CNTNAP2: variants seen among roughly 807,000 people sequenced by gnomAD.
CNTNAP2 encodes contactin associated protein 2.
In CNTNAP2, 98 loss-of-function variants were observed where a neutral mutation model predicts 155.2. That is an observed-to-expected ratio of 0.63 (90% CI 0.54 to 0.75). The LOEUF is 0.75. Among genes scored for constraint, CNTNAP2 ranks in the 30% least tolerant of loss-of-function variants. CNTNAP2 has a pLI of 0.00. For missense variants in CNTNAP2, 1,727 were observed against 1,688.1 expected, an observed-to-expected ratio of 1.02 and a Z score of -0.40; for synonymous variants, 651 against 631.2, an observed-to-expected ratio of 1.03 and a Z score of -0.47.
intron 4 of CNTNAP2, among the ~76,000 whole-genome samples, chr7:147,050,174 C>T (rs543020432): frequency 1.3e-5 from 2 of 152,270 alleles, no homozygotes; most frequent in South Asian, 4.1e-4. Context: ...TGAGCTTTCT[C>T]CCACAGCGCA....
intron 14 of CNTNAP2, among the ~76,000 whole-genome samples, chr7:147,920,144 G>A (rs1800246073): frequency 6.6e-6 from 1 of 151,434 alleles, no homozygotes; most frequent in African/African-American, 2.4e-5. Flanking sequence ...AGATCACCAG[G>A]TCAGGGGTTA....
At chr7:147,633,561 G>C (rs1795125799) in intron 12 of CNTNAP2, among the ~76,000 whole-genome samples, 1 of 152,154 alleles carries the variant, frequency 6.6e-6, no homozygotes, top group Non-Finnish European at 1.5e-5. Flanking sequence ...AGAATGGTAT[G>C]CCTTGGCTAT....
At chr7:146,400,913 G>T (rs954501473) in intron 1 of CNTNAP2, among the ~76,000 whole-genome samples, 2 of 152,326 alleles carry the variant, frequency 1.3e-5, no homozygotes, top group Middle Eastern at 6.8e-3. Context: ...ATGACGTGCA[G>T]ATTATTAAAA....
At chr7:147,748,667 G>A (rs1452979673) in intron 13 of CNTNAP2, among the ~76,000 whole-genome samples, 1 of 152,152 alleles carries the variant, frequency 6.6e-6, no homozygotes, top group Non-Finnish European at 1.5e-5. Flanking sequence ...CATGTTACCA[G>A]CATGCCTCCC....
chr7:147,183,081 TCTAA>T (rs1197620007), intron 8 of CNTNAP2, among the ~76,000 whole-genome samples: 2 of 152,040 alleles, frequency 1.3e-5, no homozygotes, highest in African/African-American at 4.8e-5. Flanking sequence ...TCATAGTTAC[TCTAA>T]CTGGCTAGCA....
At chr7:146,870,240 T>G (rs994658378) in intron 3 of CNTNAP2, among the ~76,000 whole-genome samples, 2 of 152,104 alleles carry the variant, frequency 1.3e-5, no homozygotes, top group African/African-American at 4.8e-5. Context: ...GCAGGCTATT[T>G]ATTACTGATT....
chr7:146,189,442 T>C (rs1028204010), intron 1 of CNTNAP2, among the ~76,000 whole-genome samples: 4 of 152,194 alleles, frequency 2.6e-5, no homozygotes, highest in Non-Finnish European at 5.9e-5. Flanking sequence ...GCTTGCAATA[T>C]AGACATCTTA....
At chr7:148,380,589 C>CTATT (rs1005147747) in intron 21 of CNTNAP2, among the ~76,000 whole-genome samples, 12 of 152,022 alleles carry the variant, frequency 7.9e-5, no homozygotes, top group East Asian at 5.8e-4. Context: ...ACAATATAGT[C>CTATT]TATTTTTCAA....
intron 10 of CNTNAP2, among the ~76,000 whole-genome samples, chr7:147,398,344 G>GCTTTT (rs993440832): frequency 1.9e-4 from 29 of 151,658 alleles, no homozygotes; most frequent in Non-Finnish European, 3.7e-4. Context: ...GCCTACAGTG[G>GCTTTT]CTTTTCTTTT....
intron 8 of CNTNAP2, among the ~76,000 whole-genome samples, chr7:147,218,431 A>G (rs1006349117): frequency 2.0e-4 from 30 of 151,954 alleles, no homozygotes; most frequent in African/African-American, 6.7e-4. Flanking sequence ...TTTAATCTCC[A>G]TGTATTTTAA....
At chr7:148,375,442 C>T (rs1458003496) in intron 21 of CNTNAP2, among the ~76,000 whole-genome samples, 1 of 150,356 alleles carries the variant, frequency 6.7e-6, no homozygotes, top group African/African-American at 2.4e-5. Flanking sequence ...TCACTGCAAC[C>T]TCTGCCTCCC....
At chr7:147,093,732 A>G (rs1459143557) in intron 4 of CNTNAP2, among the ~76,000 whole-genome samples, 1 of 152,128 alleles carries the variant, frequency 6.6e-6, no homozygotes, top group African/African-American at 2.4e-5. Flanking sequence ...TCTAACTCCA[A>G]AGTCTCATCT....
chr7:147,511,969 A>G (rs911306316), intron 11 of CNTNAP2, among the ~76,000 whole-genome samples: 11 of 152,202 alleles, frequency 7.2e-5, no homozygotes, highest in Non-Finnish European at 1.0e-4. Flanking sequence ...TGTTTTTATC[A>G]CACTCAGTGG....
At chr7:146,812,871 CTA>C (rs1466560205) in intron 2 of CNTNAP2, among the ~76,000 whole-genome samples, 6 of 152,078 alleles carry the variant, frequency 3.9e-5, no homozygotes, top group Non-Finnish European at 8.8e-5. Flanking sequence ...AGATGGTGCC[CTA>C]TGTCTCAGCT....
At position 146,755,002 on chromosome 7, in the gene CNTNAP2, A is replaced by G. The variant is rs1312486550; in HGVS notation, c.98-19269A>G. On this transcript the variant is annotated intron_variant, in intron 1 of 23. Coordinates refer to ENST00000361727, the MANE Select transcript of CNTNAP2 (RefSeq NM_014141.6). ...TTAAAGACATTTTTGCCTCCATTGT[A>G]TATGGATTATTAGCCCAATTTATAA... Among the ~76,000 whole-genome samples the G allele has an allele frequency of 2.0e-5, 3 of 151,890 alleles. No individual in the cohort carries two copies. The East Asian group carries it at 5.8e-4, about 29-fold the overall frequency.
chr7:147,180,799 G>A (rs1802440598), intron 8 of CNTNAP2, among the ~76,000 whole-genome samples: 1 of 151,952 alleles, frequency 6.6e-6, no homozygotes. Flanking sequence ...CAAATTAGTG[G>A]AATAAAAATG....
intron 12 of CNTNAP2, among the ~76,000 whole-genome samples, chr7:147,632,304 G>T (rs974164612): frequency 6.6e-6 from 1 of 152,060 alleles, no homozygotes; most frequent in African/African-American, 2.4e-5. Flanking sequence ...GTTCGGTTGT[G>T]TCCCCACCCA....
At chr7:146,946,520 A>G (rs1210143162) in intron 3 of CNTNAP2, among the ~76,000 whole-genome samples, 1 of 152,122 alleles carries the variant, frequency 6.6e-6, no homozygotes, top group Non-Finnish European at 1.5e-5. Flanking sequence ...TTTTAGGTTT[A>G]GGGGAGGCTT....
At chr7:146,196,943 C>A (rs114561672) in intron 1 of CNTNAP2, among the ~76,000 whole-genome samples, 3,019 of 152,136 alleles carry the variant, frequency 0.02, 91 homozygotes, top group African/African-American at 0.067. Context: ...AAGCTGCAGG[C>A]TATTATCATT....
Sources: gnomAD v4.1 joint callset for allele counts (sites outside exome capture counted in the v4.1 genomes callset) on GRCh38, gnomAD v4.1.1 for gene constraint, MANE v1.5 for transcripts, NCBI Gene and HGNC (gene_info 2026-07-23, HGNC 2026-07-21) for gene names.